RALGAPB: variants seen among roughly 807,000 people sequenced by gnomAD.
RALGAPB encodes the protein Ral GTPase activating protein non-catalytic subunit beta, also known as ral GTPase-activating protein subunit beta.
RALGAPB carries 25 observed loss-of-function variants against 161.1 expected under a neutral mutation model. The ratio of observed to expected loss-of-function variants is 0.16; its 90% CI spans 0.11 to 0.22. RALGAPB has a LOEUF of 0.22. Ranked by LOEUF, RALGAPB falls within the 10% of genes least tolerant of loss-of-function variation. RALGAPB has a pLI of 1.00. For synonymous variants in RALGAPB, 629 were observed against 626.1 expected (o/e 1.00, Z -0.07); for missense variants, 1,391 against 1,815.2 (o/e 0.77, Z 4.25).
At chr20:38,522,592 A>T (rs949197914) in intron 10 of RALGAPB, among the ~76,000 whole-genome samples, 3 of 152,206 alleles carry the variant, frequency 2.0e-5, no homozygotes, top group Non-Finnish European at 4.4e-5. Context: ...AGTGAGGTTA[A>T]TATCAACAGA....
intron 29 of RALGAPB, 60 bp from the exon 30 acceptor site, chr20:38,574,714 C>G (rs186305385): frequency 4.0e-5 from 60 of 1,483,212 alleles, no homozygotes; most frequent in Non-Finnish European, 5.4e-5. Context: ...TGAATACTTA[C>G]AGTTCACCTA....
chr20:38,482,887 C>T (rs1362483940), intron 1 of RALGAPB, among the ~76,000 whole-genome samples: 1 of 151,542 alleles, frequency 6.6e-6, no homozygotes, highest in Non-Finnish European at 1.5e-5. Context: ...TCCTAATCTA[C>T]TATTTGCTTT....
Position 38,488,522 on chromosome 20 carries a change from A to T in RALGAPB, c.90A>T (p.Gly30=). 2.5e-6 allele frequency: 4 copies of T among 1,614,210 alleles called. No homozygotes were observed. Among genetic ancestry groups the T allele is most frequent in the Non-Finnish European group, 3.4e-6 (4 of 1,180,030 alleles). Residue 30 remains glycine (G), a synonymous_variant, in exon 2 of 30, where the codon GGA becomes GGT. Coordinates refer to ENST00000262879, the MANE Select transcript of RALGAPB (RefSeq NM_020336.4). ...TGCACAGCTATCCAGAGAGCGTTGG[A>T]CGAGAGGTGGCAAATGCTGTAGTCC... ...SVLHSYPESV[G]REVANAVVRP... is the part of the protein sequence containing the mutation.
chr20:38,569,178 A>G (rs1242408958), intron 26 of RALGAPB: 4 of 152,158 alleles, frequency 2.6e-5, no homozygotes, highest in African/African-American at 9.7e-5. Context: ...TTTAAAATTC[A>G]CCTCAAGTAT....
At chr20:38,566,464 T>C (rs1323065799) in intron 25 of RALGAPB, among the ~76,000 whole-genome samples, 1 of 152,222 alleles carries the variant, frequency 6.6e-6, no homozygotes, top group Non-Finnish European at 1.5e-5. Flanking sequence ...CTCGTCCTTA[T>C]TCTATAGCTC....
intron 2 of RALGAPB, among the ~76,000 whole-genome samples, chr20:38,489,001 C>T (rs953621168): frequency 5.3e-5 from 8 of 152,170 alleles, no homozygotes. Flanking sequence ...CTCATCCCTA[C>T]CTCTGGATGG....
intron 4 of RALGAPB, among the ~76,000 whole-genome samples, chr20:38,499,179 C>G (rs1181513019): frequency 6.6e-6 from 1 of 152,158 alleles, no homozygotes; most frequent in Non-Finnish European, 1.5e-5. Context: ...CCCTCTGTCC[C>G]CCTTGCTGGA....
chr20:38,523,404 G>T (rs1244531286), intron 10 of RALGAPB, among the ~76,000 whole-genome samples: 1 of 152,204 alleles, frequency 6.6e-6, no homozygotes, highest in African/African-American at 2.4e-5. Context: ...TTTGGTAGTA[G>T]GGGAGAAGGC....
rs2087163671 is a variant in RALGAPB at position 38,546,372 on chromosome 20, T to G, written c.2844T>G (p.Phe948Leu). Reference sequence around the variant, plus strand: ...TAAACAAGCATAGTTTCCGGTACTTTGTCTTGGATAACAGTGTCATCCTGG... The same window carrying G: ...TAAACAAGCATAGTTTCCGGTACTTGGTCTTGGATAACAGTGTCATCCTGG... ...PTINKHSFRYFVLDNSVILAM... is the reference protein window; with the variant it reads ...PTINKHSFRYLVLDNSVILAM... Residue 948 changes from phenylalanine to leucine, a missense_variant, in exon 19 of 30, where the codon TTT becomes TTG. Coordinates refer to ENST00000262879, the MANE Select transcript of RALGAPB (RefSeq NM_020336.4). 1 of 1,614,136 alleles carries G rather than the reference T, an allele frequency of 6.2e-7. No homozygotes were observed. The highest frequency in any genetic ancestry group is 1.3e-5 in the African/African-American group (1 of 75,046).
intron 2 of RALGAPB, among the ~76,000 whole-genome samples, chr20:38,491,068 C>G (rs909233159): frequency 6.6e-6 from 1 of 152,238 alleles, no homozygotes; most frequent in African/African-American, 2.4e-5. Context: ...CTAAATCTTG[C>G]TACACCCTGC....
At chr20:38,551,257 A>C (rs774474435) in intron 21 of RALGAPB, 34 bp downstream of exon 21, 1 of 1,595,490 alleles carries the variant, frequency 6.3e-7, no homozygotes, top group Non-Finnish European at 8.6e-7. Flanking sequence ...TGTCAAGGGG[A>C]TGAATAGAAA....
intron 1 of RALGAPB, among the ~76,000 whole-genome samples, chr20:38,479,609 C>T (rs2084906655): frequency 6.6e-6 from 1 of 152,182 alleles, no homozygotes; most frequent in South Asian, 2.1e-4. Context: ...ATTAAGGGAT[C>T]TGCAGGGGAG....
intron 9 of RALGAPB, among the ~76,000 whole-genome samples, chr20:38,518,437 C>T (rs1402780166): frequency 6.6e-6 from 1 of 152,216 alleles, no homozygotes; most frequent in Non-Finnish European, 1.5e-5. Flanking sequence ...CTTCACACTA[C>T]ACTCTGACCT....
At chr20:38,553,829 T>G in intron 21 of RALGAPB, 38 bp from the exon 22 acceptor site, 1 of 1,335,324 alleles carries the variant, frequency 7.5e-7, no homozygotes, top group Middle Eastern at 2.1e-4. Context: ...ACTAGTTTGA[T>G]AATAGTTTCA....
At chr20:38,494,410 C>G (rs1447285672) in intron 3 of RALGAPB, among the ~76,000 whole-genome samples, 2 of 152,216 alleles carry the variant, frequency 1.3e-5, no homozygotes, top group Non-Finnish European at 2.9e-5. Context: ...GCGGGTGGAT[C>G]ACCTGAGGTC....
Position 38,575,288 on chromosome 20 carries a change from G to A in RALGAPB, c.*321G>A, listed in dbSNP as rs780454484. On this transcript the variant is annotated 3_prime_UTR_variant, in exon 30 of 30. Transcript: ENST00000262879. Reference sequence around the variant, plus strand: ...GCTTTTATGCATCTCAGTTAAACACGTGCATTGGTAGTATCAACAAATTTG... The same window carrying A: ...GCTTTTATGCATCTCAGTTAAACACATGCATTGGTAGTATCAACAAATTTG... 11 of 223,620 alleles carry A rather than the reference G, an allele frequency of 4.9e-5. No homozygotes were observed. The highest frequency in any genetic ancestry group is 8.8e-5 in the Non-Finnish European group (10 of 113,192). 13.9% of individuals were successfully genotyped at this position (223,620 alleles called of 1,614,324 possible).
rs760957412 is a variant in RALGAPB at position 38,539,793 on chromosome 20, C to T, written c.2397C>T (p.Asp799=). 6.2e-6 allele frequency: 10 copies of T among 1,613,644 alleles called. No individual in the cohort carries two copies. In the South Asian group the frequency reaches 7.7e-5, roughly 12 times the overall value. ...ATGCTCAGGTAAAAGTGATGGTTGA[C>T]TCAGGAGACCGGAAGCGAGCCATCA... is the stretch of plus-strand genomic sequence containing the variant. ...SGLAKVKVMV[D]SGDRKRAISS... is the part of the protein sequence containing the mutation. The change falls in exon 17 of 30, where the codon GAC becomes GAT. Residue 799 remains aspartate, a synonymous_variant. Transcript: ENST00000262879.
chr20:38,555,489 T>C lies in RALGAPB; in HGVS notation c.3372+1413T>C, dbSNP rs75622718. Among the ~76,000 whole-genome samples the C allele has an allele frequency of 4.8e-3, 726 of 152,118 alleles. 48 individuals carry two copies. The East Asian group carries it at 0.13, about 26-fold the overall frequency. ...AGAGAGAGGAAAATTATAAGAAACATAGTGGTAAATATGGAAGGCAAGGAA... is the reference window on the plus strand; with the variant it reads ...AGAGAGAGGAAAATTATAAGAAACACAGTGGTAAATATGGAAGGCAAGGAA... On this transcript the variant is annotated intron_variant, in intron 22 of 29. Coordinates refer to ENST00000262879, the MANE Select transcript of RALGAPB (RefSeq NM_020336.4).
Position 38,570,825 on chromosome 20 carries a change from G to A in RALGAPB, c.4120G>A (p.Ala1374Thr). Reference protein sequence around the residue: ...TEISTGVETTANSSTSLRSTT... With the variant: ...TEISTGVETTTNSSTSLRSTT... ...GATCAGTACTGGTGTGGAAACTACT[G>A]CAAATAGTAGCACTTCACTGAGGTA... Residue 1374 changes from alanine to threonine, a missense_variant, in exon 28 of 30, where the codon GCA (alanine) becomes ACA (threonine). Ala to Thr is a moderately conservative substitution (Grantham distance 58). Coordinates refer to ENST00000262879, the MANE Select transcript of RALGAPB (RefSeq NM_020336.4). 1 of 1,607,068 alleles carries A rather than the reference G, an allele frequency of 6.2e-7. No individual in the cohort carries two copies. Among genetic ancestry groups the A allele is most frequent in the Non-Finnish European group, 8.5e-7 (1 of 1,174,560 alleles).
Sources: allele counts gnomAD v4.1 joint callset (sites outside exome capture counted in the v4.1 genomes callset), GRCh38; gene constraint gnomAD v4.1.1; transcripts MANE v1.5; gene names NCBI Gene and HGNC (gene_info 2026-07-23, HGNC 2026-07-21).